Variants in CFAP54 observed in about 807,000 individuals in gnomAD.
CFAP54 encodes the protein cilia- and flagella-associated protein 54.
Under a neutral mutation model 370.4 loss-of-function variants are expected in CFAP54, and 290 were observed. The observed-to-expected ratio is 0.78, with a 90% CI of 0.71 to 0.86. CFAP54 has a LOEUF of 0.86. Ranked by LOEUF, CFAP54 falls within the 40% of genes least tolerant of loss-of-function variation. The pLI, the probability that CFAP54 is intolerant of heterozygous loss-of-function variation, is 0.00. For missense variants in CFAP54, 3,399 were observed against 3,528.7 expected (o/e 0.96, Z 0.93); for synonymous variants, 1,206 against 1,236.5 (o/e 0.98, Z 0.52).
intron 42 of CFAP54, among the ~76,000 whole-genome samples, chr12:96,688,270 G>A (rs149256683): frequency 1.3e-3 from 200 of 152,258 alleles, no homozygotes; most frequent in Non-Finnish European, 2.4e-3. Flanking sequence ...ATTAATGTTT[G>A]GTGGAGATAC....
intron 12 of CFAP54, among the ~76,000 whole-genome samples, chr12:96,536,987 A>AATACAATT (rs369063940): frequency 0.1 from 14,997 of 147,302 alleles, 910 homozygotes; most frequent in Middle Eastern, 0.19. Context: ...TCAATTCAAT[A>AATACAATT]CAATTCAATT....
At chr12:96,855,553 C>T (rs1003216398) in intron 66 of CFAP54, among the ~76,000 whole-genome samples, 2 of 152,186 alleles carry the variant, frequency 1.3e-5, no homozygotes, top group Admixed American at 6.5e-5. Context: ...GGCTACAGGC[C>T]CCATGCAAGT....
chr12:96,834,006 A>G (rs1467294091), intron 66 of CFAP54, among the ~76,000 whole-genome samples: 1 of 152,236 alleles, frequency 6.6e-6, no homozygotes, highest in Non-Finnish European at 1.5e-5. Flanking sequence ...GCTTGATAAA[A>G]GTAGAAGGCA....
At chr12:96,490,007 C>T in intron 1 of CFAP54, 81 bp downstream of exon 1, 1 of 1,327,230 alleles carries the variant, frequency 7.5e-7, no homozygotes, top group Non-Finnish European at 1.0e-6. Flanking sequence ...AGGTGGTGGC[C>T]CCAGAGATGG....
chr12:96,793,792 G>T (rs1035898208), intron 63 of CFAP54, among the ~76,000 whole-genome samples: 1 of 152,008 alleles, frequency 6.6e-6, no homozygotes, highest in Non-Finnish European at 1.5e-5. Flanking sequence ...GTTTTGATTT[G>T]TATTTTCCTG....
chr12:96,716,053 A>G (rs1488325277), intron 48 of CFAP54, among the ~76,000 whole-genome samples: 2 of 151,014 alleles, frequency 1.3e-5, no homozygotes, highest in African/African-American at 2.4e-5. Flanking sequence ...TTCACATCCA[A>G]CTCCTGATTT....
intron 62 of CFAP54, among the ~76,000 whole-genome samples, chr12:96,791,883 C>T (rs1168761745): frequency 6.7e-6 from 1 of 150,208 alleles, no homozygotes; most frequent in Non-Finnish European, 1.5e-5. Flanking sequence ...GGAGTCTTGC[C>T]CTCTCGCCCA....
rs1485885052 is a variant in CFAP54 at position 96,554,770 on chromosome 12, G to A, written c.2378G>A (p.Arg793Gln). Reference sequence around the variant, plus strand: ...CTTGAACTAATTCAAGCTCAGCATCGAATAGCTGTTGTGCTTCTGGACAAA... The same window carrying A: ...CTTGAACTAATTCAAGCTCAGCATCAAATAGCTGTTGTGCTTCTGGACAAA... The part of the protein sequence containing the change: ...LHLELIQAQH[R>Q]IAVVLLDKLQ... The change falls in exon 17 of 68, where the codon CGA becomes CAA. Residue 793 changes from arginine (R) to glutamine (Q), a missense_variant. Around this residue, in one of 3 missense-constraint regions of CFAP54, gnomAD observed 2,796 missense variants for 2,869.7 expected, o/e 0.97. Transcript: ENST00000524981. The A allele has an allele frequency of 3.9e-6, 6 of 1,534,512 alleles. No individual in the cohort carries two copies. The highest frequency in any genetic ancestry group is 2.4e-5 in the East Asian group (1 of 40,826).
chr12:96,685,319 T>C, intron 42 of CFAP54, 81 bp downstream of exon 42: 1 of 1,224,878 alleles, frequency 8.2e-7, no homozygotes, highest in Non-Finnish European at 1.2e-6. Flanking sequence ...CAAAGTGCTA[T>C]GCCTCATGCA....
chr12:96,855,194 C>T (rs931794513), intron 66 of CFAP54, among the ~76,000 whole-genome samples: 2 of 152,110 alleles, frequency 1.3e-5, no homozygotes, highest in African/African-American at 4.8e-5. Context: ...AGATTACCTC[C>T]CACCAGGTCC....
chr12:96,821,334 A>G lies in CFAP54; in HGVS notation c.9096+3421A>G, dbSNP rs540946836. Among the ~76,000 whole-genome samples, 58 of 152,074 alleles carry G rather than the reference A, an allele frequency of 3.8e-4. No homozygotes were observed. In the South Asian group the frequency reaches 0.011, roughly 30 times the overall value. ...GTGTCTGAAGATAAGTGGAGGGAGG[A>G]ATTTGGAGGACCTACCTTGCCTTAA... On this transcript the variant is annotated intron_variant, in intron 65 of 67. Coordinates refer to ENST00000524981, the MANE Select transcript of CFAP54 (RefSeq NM_001306084.2).
At chr12:96,648,675 G>A (rs986439522) in intron 34 of CFAP54, among the ~76,000 whole-genome samples, 5 of 126,544 alleles carry the variant, frequency 4.0e-5, no homozygotes, top group East Asian at 5.3e-4. Flanking sequence ...TGCAACCTCC[G>A]CCTCCTGAAT....
chr12:96,637,961 A>G (rs1956678720), intron 32 of CFAP54, among the ~76,000 whole-genome samples: 1 of 152,162 alleles, frequency 6.6e-6, no homozygotes, highest in Admixed American at 6.5e-5. Context: ...CTAGGTGTGT[A>G]GTAGGCTATA....
intron 65 of CFAP54, among the ~76,000 whole-genome samples, chr12:96,826,306 A>AGACAATATATATATTGAATATATATAGTT (rs1959101393): frequency 1.5e-5 from 2 of 133,530 alleles, no homozygotes; most frequent in African/African-American, 2.8e-5. Flanking sequence ...TATATATAGA[A>AGACAATATATATATTGAATATATATAGTT]GACAATATAT....
chr12:96,503,205 CTTCCT>C (rs1390189201), intron 2 of CFAP54, among the ~76,000 whole-genome samples: 2 of 146,466 alleles, frequency 1.4e-5, no homozygotes, highest in East Asian at 2.0e-4. Flanking sequence ...CTTTCTCTTT[CTTCCT>C]TTCCTTTCCT....
At position 96,528,329 on chromosome 12, in the gene CFAP54, C is replaced by A. The variant is rs373027697; in HGVS notation, c.1357+885C>A. On this transcript the variant is annotated intron_variant, in intron 9 of 67. Transcript: ENST00000524981. ...TACTGAGTCGATCAAATGGCTTTCTCATTTATTTCTATTAATGTGGTTGAT... is the reference window on the plus strand; with the variant it reads ...TACTGAGTCGATCAAATGGCTTTCTAATTTATTTCTATTAATGTGGTTGAT... Among the ~76,000 whole-genome samples, 5 of 152,122 alleles carry A rather than the reference C, an allele frequency of 3.3e-5. No individual in the cohort carries two copies. The East Asian group carries it at 9.6e-4, about 29-fold the overall frequency.
At chr12:96,812,294 C>G in intron 64 of CFAP54, among the ~76,000 whole-genome samples, 1 of 152,128 alleles carries the variant, frequency 6.6e-6, no homozygotes, top group East Asian at 1.9e-4. Flanking sequence ...AGCCCAAACT[C>G]CACTACCTCC....
intron 63 of CFAP54, among the ~76,000 whole-genome samples, chr12:96,795,915 G>A (rs909518667): frequency 2.6e-5 from 4 of 152,164 alleles, no homozygotes; most frequent in Non-Finnish European, 5.9e-5. Context: ...ATCCCTGCGA[G>A]ATCAAGTTAG....
At chr12:96,793,682 A>C (rs1958728308) in intron 63 of CFAP54, among the ~76,000 whole-genome samples, 1 of 152,180 alleles carries the variant, frequency 6.6e-6, no homozygotes, top group East Asian at 1.9e-4. Context: ...GCAGTGTAAA[A>C]GTGTTCCCTT....
Sources: allele counts gnomAD v4.1 joint callset (sites outside exome capture counted in the v4.1 genomes callset), GRCh38; gene constraint gnomAD v4.1.1; regional missense constraint gnomAD v4.1.1; transcripts MANE v1.5; gene names NCBI Gene and HGNC (gene_info 2026-07-23, HGNC 2026-07-21).